The following NFATC2 variants were observed in gnomAD, a reference collection of about 807,000 sequenced individuals.
NFATC2 encodes nuclear factor of activated T cells 2.
A neutral mutation model predicts 87.3 loss-of-function variants in NFATC2; 22 were observed. The ratio of observed to expected loss-of-function variants is 0.25; its 90% confidence interval spans 0.18 to 0.36. The LOEUF is 0.36. Among genes scored for constraint, NFATC2 ranks in the 10% least tolerant of loss-of-function variants. The pLI is 1.00. For missense variants in NFATC2, 1,149 were observed against 1,259.1 expected (o/e 0.91, Z 1.32); for synonymous variants, 565 against 542.2 (o/e 1.04, Z -0.58).
chr20:51,473,986 C>T lies in NFATC2; in HGVS notation c.1702G>A (p.Glu568Lys). The T allele has an allele frequency of 6.2e-7, 1 of 1,613,602 alleles. No homozygotes were observed. Among genetic ancestry groups the T allele is most frequent in the Non-Finnish European group, 8.5e-7 (1 of 1,179,604 alleles). Residue 568 changes from glutamate (E) to lysine (K), a missense_variant, in exon 5 of 11, where the codon GAG becomes AAG. Transcript: ENST00000371564. ...VSLQTASNPI[E>K]CSQRSAHELP... ...GCCCCAGGGCCCAACTTACAGCACT[C>T]GATGGGGTTAGATGCAGTCTGTAAA...
chr20:51,523,233 T>A lies in NFATC2; in HGVS notation c.1008A>T (p.Pro336=). The A allele has an allele frequency of 6.2e-7, 1 of 1,613,242 alleles. No homozygotes were observed. The highest frequency in any genetic ancestry group is 2.2e-5 in the East Asian group (1 of 44,842). Residue 336 remains proline (P), a synonymous_variant, in exon 2 of 11, where the codon CCA becomes CCT. Coordinates refer to ENST00000371564, the MANE Select transcript of NFATC2 (RefSeq NM_012340.5). The surrounding 1 kb of genome is among the most constrained non-coding windows in gnomAD (Gnocchi z 6.9). The part of the protein sequence containing the change: ...SPDPSPVSAA[P]SKAGLPRHIY... Reference sequence around the variant, plus strand: ...TGTGGCGAGGCAGGCCGGCCTTGGATGGGGCGGCAGACACCGGCGAGGGGT... The same window carrying A: ...TGTGGCGAGGCAGGCCGGCCTTGGAAGGGGCGGCAGACACCGGCGAGGGGT...
chr20:51,497,137 T>C (rs1419132106), intron 3 of NFATC2, among the ~76,000 whole-genome samples: 3 of 152,168 alleles, frequency 2.0e-5, no homozygotes, highest in African/African-American at 7.2e-5. Context: ...CCCAGGTTAC[T>C]AACAAGTCCC....
intron 5 of NFATC2, 82 bp downstream of exon 5, chr20:51,473,898 C>G: frequency 6.8e-7 from 1 of 1,477,272 alleles, no homozygotes; most frequent in South Asian, 1.3e-5. Flanking sequence ...CCGGGTACCT[C>G]GCCCAGAATA....
chr20:51,447,441 G>T (rs1985209002), intron 6 of NFATC2, among the ~76,000 whole-genome samples: 1 of 152,248 alleles, frequency 6.6e-6, no homozygotes, highest in Non-Finnish European at 1.5e-5. Context: ...AAGCCTGGGG[G>T]CCTGAATTAA....
chr20:51,530,796 C>A (rs994939582), intron 1 of NFATC2, among the ~76,000 whole-genome samples: 1 of 152,116 alleles, frequency 6.6e-6, no homozygotes, highest in Non-Finnish European at 1.5e-5. Context: ...TGAGCCACCC[C>A]CTCCTGGAGG....
chr20:51,393,300 T>C (rs531342380), intron 10 of NFATC2, among the ~76,000 whole-genome samples: 1 of 152,166 alleles, frequency 6.6e-6, no homozygotes, highest in African/African-American at 2.4e-5. Flanking sequence ...CATCTGTAAA[T>C]TGCATCTAAA....
Position 51,516,876 on chromosome 20 carries a change from C to T in NFATC2, c.1240G>A (p.Val414Met), listed in dbSNP as rs779942929. 20 of 1,614,052 alleles carry T rather than the reference C, an allele frequency of 1.2e-5. No homozygotes were observed. Among genetic ancestry groups the T allele is most frequent in the Non-Finnish European group, 1.7e-5 (20 of 1,180,028 alleles). Residue 414 changes from valine to methionine, a missense_variant, in exon 3 of 11, where the codon GTG becomes ATG. By Grantham distance (21) the Val-to-Met change is conservative. Coordinates refer to ENST00000371564, the MANE Select transcript of NFATC2 (RefSeq NM_012340.5). ...QSGSYELRIE[V>M]QPKPHHRAHY... The stretch of plus-strand genomic sequence containing the variant: ...GCCCGGTGATGTGGCTTGGGCTGCA[C>T]CTCGATCCGCAGCTCGTAAGAGCCT...
rs1223786492 is a variant in NFATC2, at chr20:51,480,357, G to A, written c.1333-4697C>T. Among the ~76,000 whole-genome samples, 1 of 152,070 alleles carries A rather than the reference G, an allele frequency of 6.6e-6. No individual in the cohort carries two copies. The highest frequency in any genetic ancestry group is 2.4e-5 in the African/African-American group (1 of 41,398). On this transcript the variant is annotated intron_variant, in intron 3 of 10. Coordinates refer to ENST00000371564, the MANE Select transcript of NFATC2 (RefSeq NM_012340.5). This position sits in a 1 kb window ranked among gnomAD's most constrained non-coding sequence, Gnocchi z 4.2. ...GGCAGGAAGGAGGGAGAAAAGAAGG[G>A]GCACAGAGGGAGATGGAGGGAGAGA... is the stretch of plus-strand genomic sequence containing the variant.
chr20:51,391,466 A>T lies in NFATC2; in HGVS notation c.*45-15T>A. ...AATTTCATTAACTACAAAAGAAAAG[A>T]GGAGGGGGGGGGAGAGAGAATGGGG... On this transcript the variant is annotated splice_polypyrimidine_tract_variant and intron_variant, in intron 10 of 10. Coordinates refer to ENST00000371564, the MANE Select transcript of NFATC2 (RefSeq NM_012340.5). 1.4e-5 allele frequency: 12 copies of T among 841,986 alleles called. No homozygotes were observed. The highest frequency in any genetic ancestry group is 1.8e-5 in the Non-Finnish European group (10 of 568,472). 52.2% of individuals were successfully genotyped at this position (841,986 alleles called of 1,614,324 possible). A position where few individuals can be genotyped will look rare whatever the true frequency, so the allele number is the denominator to read the frequency against.
rs563680481 is a variant in NFATC2, at chr20:51,435,156, A to G, written c.2032+32T>C. On this transcript the variant is annotated intron_variant, in intron 8 of 10. Transcript: ENST00000371564. ...AGCCCTGTGCCTGTACTGCCTCTCAATAACAAAGGGGTCATCAGAAACACT... is the reference window on the plus strand; with the variant it reads ...AGCCCTGTGCCTGTACTGCCTCTCAGTAACAAAGGGGTCATCAGAAACACT... 4.9e-4 allele frequency: 793 copies of G among 1,612,570 alleles called. 6 individuals are homozygous for G. In the South Asian group the frequency reaches 8.1e-3, roughly 16 times the overall value.
At chr20:51,427,071 C>T (rs187577018) in intron 9 of NFATC2, among the ~76,000 whole-genome samples, 77 of 152,168 alleles carry the variant, frequency 5.1e-4, no homozygotes, top group African/African-American at 1.8e-3. Context: ...CTTTTCTGGA[C>T]GTTTCCAGAA....
intron 3 of NFATC2, among the ~76,000 whole-genome samples, chr20:51,481,217 A>G (rs867926552): frequency 2.8e-4 from 43 of 152,326 alleles, no homozygotes; most frequent in Middle Eastern, 6.8e-3. Context: ...TGCTTCTCCA[A>G]AAACTCAGTG....
At chr20:51,404,272 G>A (rs1988340240) in intron 9 of NFATC2, among the ~76,000 whole-genome samples, 1 of 152,196 alleles carries the variant, frequency 6.6e-6, no homozygotes, top group Non-Finnish European at 1.5e-5. Context: ...CCAAATCCCA[G>A]CTCTGCCACA....
intron 5 of NFATC2, among the ~76,000 whole-genome samples, chr20:51,455,004 A>G (rs1413618227): frequency 2.0e-5 from 3 of 152,162 alleles, no homozygotes; most frequent in Non-Finnish European, 4.4e-5. Context: ...GGTACATGAG[A>G]ATTGGTTTTC....
intron 3 of NFATC2, among the ~76,000 whole-genome samples, chr20:51,483,752 G>A (rs563409420): frequency 6.6e-6 from 1 of 151,774 alleles, no homozygotes; most frequent in Non-Finnish European, 1.5e-5. Flanking sequence ...AACTCTCTCT[G>A]CCTCCATCCC....
intron 1 of NFATC2, among the ~76,000 whole-genome samples, chr20:51,549,577 C>T (rs2076916597): frequency 6.6e-6 from 1 of 152,228 alleles, no homozygotes; most frequent in Admixed American, 6.5e-5. Flanking sequence ...CATTAAAGAA[C>T]AACCCAGAGC....
intron 5 of NFATC2, among the ~76,000 whole-genome samples, chr20:51,472,471 A>G (rs1988297865): frequency 6.6e-6 from 1 of 152,094 alleles, no homozygotes; most frequent in Non-Finnish European, 1.5e-5. Context: ...TAGTTATGGT[A>G]AAATGTCCAG....
intron 6 of NFATC2, among the ~76,000 whole-genome samples, chr20:51,446,794 A>T (rs997694534): frequency 6.6e-6 from 1 of 152,230 alleles, no homozygotes; most frequent in African/African-American, 2.4e-5. Flanking sequence ...GTCCCAGCAA[A>T]GCTGTGGGTA....
chr20:51,456,772 C>T lies in NFATC2; in HGVS notation c.1709-2084G>A, dbSNP rs190931617. Among the ~76,000 whole-genome samples, 604 of 152,366 alleles carry T rather than the reference C, an allele frequency of 4.0e-3. 1 individual carries two copies. The highest frequency in any genetic ancestry group is 6.1e-3 in the Non-Finnish European group (412 of 68,028). On this transcript the variant is annotated intron_variant, in intron 5 of 10. Coordinates refer to ENST00000371564, the MANE Select transcript of NFATC2 (RefSeq NM_012340.5). The stretch of plus-strand genomic sequence containing the variant: ...CTGGGCAGCAACCGCGTGAGGCCCA[C>T]GGCCCAATTCTAACCCTTCCCTCCT...
Sources: gnomAD v4.1 joint callset for allele counts (sites outside exome capture counted in the v4.1 genomes callset) on GRCh38, gnomAD v4.1.1 for gene constraint, Gnocchi (gnomAD v3.1) non-coding constraint, MANE v1.5 for transcripts, NCBI Gene and HGNC (gene_info 2026-07-23, HGNC 2026-07-21) for gene names.